Variants in THAP3 observed in about 807,000 individuals in gnomAD.
The protein encoded by THAP3 is THAP domain containing 3, also known as THAP domain-containing protein 3.
A neutral mutation model predicts 17.7 loss-of-function variants in THAP3; 12 were observed. The observed-to-expected ratio is 0.68, with a 90% CI of 0.43 to 1.10. The LOEUF is 1.10. Among genes scored for constraint, THAP3 ranks in the 50% least tolerant of loss-of-function variants. The pLI is 0.00. For synonymous variants in THAP3, 133 were observed against 126.9 expected (o/e 1.05, Z -0.32); for missense variants, 289 against 318.0 (o/e 0.91, Z 0.69).
chr1:6,634,141 C>T, downstream of THAP3: 6 of 1,507,320 alleles, frequency 4.0e-6, no homozygotes, highest in Non-Finnish European at 4.6e-6. Flanking sequence ...TGAAGATGAA[C>T]ACACAATACA....
At chr1:6,634,850 C>T (rs1298311034), downstream of THAP3, 12 of 1,234,626 alleles carry the variant, frequency 9.7e-6, no homozygotes, top group East Asian at 2.3e-4. Flanking sequence ...GATGTCTTGC[C>T]AAGCGCCTGG....
At chr1:6,630,196 C>T (rs1641570048) in intron 3 of THAP3, 92 bp from the exon 4 acceptor site, 2 of 1,126,276 alleles carry the variant, frequency 1.8e-6, no homozygotes, top group South Asian at 1.2e-5. Flanking sequence ...ATGCAGTGGG[C>T]CGAGCAGCGG....
rs183929835 is a variant in THAP3 at position 6,632,383 on chromosome 1, G to A, written c.334-8G>A. On this transcript the variant is annotated splice_polypyrimidine_tract_variant and splice_region_variant and intron_variant, in intron 4 of 5. Coordinates refer to ENST00000054650, the MANE Select transcript of THAP3 (RefSeq NM_001195753.2). Reference sequence around the variant, plus strand: ...GCTGTAGTGCAGACTTCACCCTGCCGTTCCCAGGTCCTCCCTGAGGCGGGG... The same window carrying A: ...GCTGTAGTGCAGACTTCACCCTGCCATTCCCAGGTCCTCCCTGAGGCGGGG... 5.1e-5 allele frequency: 83 copies of A among 1,613,332 alleles called. No individual in the cohort carries two copies. The highest frequency in any genetic ancestry group is 1.2e-4 in the Admixed American group (7 of 60,008).
downstream of THAP3, chr1:6,635,059 A>G (rs574949398): frequency 1.2e-4 from 30 of 248,238 alleles, no homozygotes; most frequent in Middle Eastern, 1.9e-3. Context: ...GGCCGGTGGA[A>G]TGACTTGAGC....
chr1:6,625,296 A>G lies in THAP3; in HGVS notation c.74+4A>G. On this transcript the variant is annotated splice_donor_region_variant and intron_variant, in intron 2 of 5. Coordinates refer to ENST00000054650, the MANE Select transcript of THAP3 (RefSeq NM_001195753.2). Reference sequence around the variant, plus strand: ...GGAAGCAGCTCACCTTCCACCGGTAAGAGGCGGGGACCCGGGGGCGCGGGA... The same window carrying G: ...GGAAGCAGCTCACCTTCCACCGGTAGGAGGCGGGGACCCGGGGGCGCGGGA... The G allele has an allele frequency of 6.5e-7, 1 of 1,534,126 alleles. No individual in the cohort carries two copies. Among genetic ancestry groups the G allele is most frequent in the Non-Finnish European group, 8.8e-7 (1 of 1,142,476 alleles).
chr1:6,634,161 G>A (rs1033145109), downstream of THAP3: 16 of 1,348,404 alleles, frequency 1.2e-5, no homozygotes, highest in Admixed American at 3.9e-5. Context: ...ACGGAAGAGC[G>A]CCAGCCTCTG....
Position 6,633,357 on chromosome 1 carries a change from G to A in THAP3, c.*280G>A. 7.6e-7 allele frequency: 1 copy of A among 1,323,354 alleles called. No individual in the cohort carries two copies. The highest frequency in any genetic ancestry group is 3.2e-5 in the Admixed American group (1 of 31,048). The allele number at this position is 1,323,354 out of a possible 1,614,324, so 82.0% of individuals were successfully genotyped here. On this transcript the variant is annotated 3_prime_UTR_variant, in exon 6 of 6. Transcript: ENST00000054650. ...CAGGCTGAGGCTGATTCTGGACGCT[G>A]TCCTTTCAGCACACGCAGAGCAAAG...
At chr1:6,625,073 G>A (rs1256534382) in intron 1 of THAP3, 77 bp from the exon 2 acceptor site, 2 of 882,094 alleles carry the variant, frequency 2.3e-6, no homozygotes, top group African/African-American at 1.8e-5. Context: ...GCGGGTGGCT[G>A]GGATGGCAGG....
chr1:6,634,614 C>T (rs748875908), downstream of THAP3: 40 of 1,366,234 alleles, frequency 2.9e-5, no homozygotes, highest in East Asian at 4.5e-5. Context: ...ACAGGCCTCA[C>T]GTAACTTTAC....
chr1:6,630,234 C>T (rs1419218175), intron 3 of THAP3, 54 bp from the exon 4 acceptor site: 1 of 1,549,114 alleles, frequency 6.5e-7, no homozygotes, highest in Non-Finnish European at 8.9e-7. Flanking sequence ...GAGGCCTGCC[C>T]CGAGCTCTGA....
chr1:6,632,406 G>C lies in THAP3; in HGVS notation c.349G>C (p.Gly117Arg). The C allele has an allele frequency of 1.2e-6, 2 of 1,613,812 alleles. No homozygotes were observed. Among genetic ancestry groups the C allele is most frequent in the Non-Finnish European group, 1.7e-6 (2 of 1,179,984 alleles). Residue 117 changes from glycine (G) to arginine (R), a missense_variant, in exon 5 of 6, where the codon GGG (glycine) becomes CGG (arginine). Coordinates refer to ENST00000054650, the MANE Select transcript of THAP3 (RefSeq NM_001195753.2). ...SQKEKVLPEA[G>R]AGEDSPGRNM... is the part of the protein sequence containing the mutation. ...CCGTTCCCAGGTCCTCCCTGAGGCGGGGGCCGGAGAGGACAGTCCTGGGAG... is the reference window on the plus strand; with the variant it reads ...CCGTTCCCAGGTCCTCCCTGAGGCGCGGGCCGGAGAGGACAGTCCTGGGAG...
chr1:6,632,504 G>C lies in THAP3; in HGVS notation c.438+9G>C. The stretch of plus-strand genomic sequence containing the variant: ...AAGGCCACGTAAAACAGGTAAGACT[G>C]AGTGCAAAGGTGGTCTGTGGTTGGA... On this transcript the variant is annotated intron_variant, in intron 5 of 5. Coordinates refer to ENST00000054650, the MANE Select transcript of THAP3 (RefSeq NM_001195753.2). 6.2e-7 allele frequency: 1 copy of C among 1,614,004 alleles called. No homozygotes were observed. Among genetic ancestry groups the C allele is most frequent in the Non-Finnish European group, 8.5e-7 (1 of 1,179,972 alleles).
At chr1:6,626,353 T>C (rs1019827292) in intron 2 of THAP3, among the ~76,000 whole-genome samples, 9 of 151,270 alleles carry the variant, frequency 5.9e-5, no homozygotes, top group Non-Finnish European at 1.0e-4. Flanking sequence ...AACCCCTACC[T>C]GGACCCCCTC....
Position 6,630,342 on chromosome 1 carries a change from C to A in THAP3, c.322C>A (p.Gln108Lys). ...TGAGAGAGGAAATGCCAGCTCTTCT[C>A]AGAAAGAAAAGGTGAGTGCACCGGG... ...ASERGNASSS[Q>K]KEKVLPEAGA... is the part of the protein sequence containing the mutation. Residue 108 changes from glutamine (Q) to lysine (K), a missense_variant, in exon 4 of 6, where the codon CAG becomes AAG. Physicochemically the swap from Gln to Lys is moderately conservative, Grantham distance 53. Transcript: ENST00000054650. The A allele has an allele frequency of 6.2e-7, 1 of 1,614,094 alleles. No homozygotes were observed. Among genetic ancestry groups the A allele is most frequent in the South Asian group, 1.1e-5 (1 of 91,074 alleles).
rs1641428100 is a variant in THAP3, at chr1:6,625,194, T to C, written c.-25T>C. 1.3e-6 allele frequency: 2 copies of C among 1,534,534 alleles called. No individual in the cohort carries two copies. Among genetic ancestry groups the C allele is most frequent in the African/African-American group, 1.4e-5 (1 of 71,114 alleles). On this transcript the variant is annotated 5_prime_UTR_variant, in exon 2 of 6. Transcript: ENST00000054650. ...GCCCCGCCGCCGCCGCCATCTTTGT[T>C]GGGGGCAGCCAGGCCTGGCTCGAGA...
At chr1:6,628,451 G>A (rs370886179) in intron 2 of THAP3, 48 bp from the exon 3 acceptor site, 47 of 1,520,462 alleles carry the variant, frequency 3.1e-5, no homozygotes, top group African/African-American at 2.9e-4. Flanking sequence ...ACTCTGAGGC[G>A]CTGGGTCCAG....
rs956260127 is a variant in THAP3 at position 6,628,635 on chromosome 1, A to G, written c.211A>G (p.Lys71Glu). ...GTGCTTCAGCGCCTTTGGAAACCGCAAGAACCTAAAGCACAATGCCGTGCC... is the reference window on the plus strand; with the variant it reads ...GTGCTTCAGCGCCTTTGGAAACCGCGAGAACCTAAAGCACAATGCCGTGCC... Reference protein sequence around the residue: ...PECFSAFGNRKNLKHNAVPTV... With the variant: ...PECFSAFGNRENLKHNAVPTV... Residue 71 changes from lysine (K) to glutamate (E), a missense_variant, in exon 3 of 6, where the codon AAG (lysine) becomes GAG (glutamate). Transcript: ENST00000054650. 2.7e-5 allele frequency: 44 copies of G among 1,613,714 alleles called. No individual in the cohort carries two copies. Among genetic ancestry groups the G allele is most frequent in the Non-Finnish European group, 3.6e-5 (42 of 1,180,026 alleles).
At chr1:6,625,756 G>T (rs1340566937) in intron 2 of THAP3, among the ~76,000 whole-genome samples, 1 of 151,918 alleles carries the variant, frequency 6.6e-6, no homozygotes, top group Non-Finnish European at 1.5e-5. Context: ...GCCCGGCCCG[G>T]CCCGGCCCGG....
Position 6,630,233 on chromosome 1 carries a change from C to G in THAP3, c.268-55C>G, listed in dbSNP as rs919865620. 6.0e-5 allele frequency: 93 copies of G among 1,538,256 alleles called. No individual in the cohort carries two copies. In the East Asian group the frequency reaches 1.0e-3, roughly 17 times the overall value. On this transcript the variant is annotated intron_variant, in intron 3 of 5. Coordinates refer to ENST00000054650, the MANE Select transcript of THAP3 (RefSeq NM_001195753.2). ...GACAAGCATGATGCCCGAGGCCTGCCCCGAGCTCTGAGGGTTCTTGGGGTC... is the reference window on the plus strand; with the variant it reads ...GACAAGCATGATGCCCGAGGCCTGCGCCGAGCTCTGAGGGTTCTTGGGGTC...
Sources: allele counts gnomAD v4.1 joint callset (sites outside exome capture counted in the v4.1 genomes callset), GRCh38; gene constraint gnomAD v4.1.1; transcripts MANE v1.5; gene names NCBI Gene and HGNC (gene_info 2026-07-23, HGNC 2026-07-21).